The following SETBP1 variants were observed in gnomAD, a reference collection of about 807,000 sequenced individuals.
SETBP1 encodes the protein SET binding protein 1.
In SETBP1, 9 loss-of-function variants were observed where a neutral mutation model predicts 101.0. The ratio of observed to expected loss-of-function variants is 0.09; its 90% CI spans 0.05 to 0.16. SETBP1 has a LOEUF of 0.16. Ranked by LOEUF, SETBP1 falls within the 10% of genes least tolerant of loss-of-function variation. The pLI, the probability that SETBP1 is intolerant of heterozygous loss-of-function variation, is 1.00. For synonymous variants in SETBP1, 818 were observed against 788.5 expected (o/e 1.04, Z -0.63); for missense variants, 1,858 against 2,033.8 (o/e 0.91, Z 1.66).
intron 2 of SETBP1, among the ~76,000 whole-genome samples, chr18:44,728,372 A>G (rs2144380397): frequency 6.6e-6 from 1 of 152,256 alleles, no homozygotes; most frequent in East Asian, 1.9e-4. Flanking sequence ...ATTAAAAACT[A>G]CACAAGGCAT....
rs1226834126 is a variant in SETBP1 at position 45,064,623 on chromosome 18, G to C, written c.*925G>C. 2 of 151,878 alleles carry C rather than the reference G, an allele frequency of 1.3e-5. No homozygotes were observed. The highest frequency in any genetic ancestry group is 2.9e-5 in the Non-Finnish European group (2 of 67,966). The allele number at this position is 151,878 out of a possible 1,614,324, so 9.4% of individuals were successfully genotyped here. ...ATATGTTGACCCAGATGTCAACCAG[G>C]CTATTTTTATACTTAAAACATGTCA... On this transcript the variant is annotated 3_prime_UTR_variant, in exon 6 of 6. Transcript: ENST00000649279.
At chr18:44,961,363 T>A (rs899608672) in intron 4 of SETBP1, among the ~76,000 whole-genome samples, 2 of 152,212 alleles carry the variant, frequency 1.3e-5, no homozygotes, top group Admixed American at 1.3e-4. Context: ...TTAAACATTA[T>A]GTATTTGATG....
intron 3 of SETBP1, among the ~76,000 whole-genome samples, chr18:44,886,206 C>A (rs1416332449): frequency 6.6e-6 from 1 of 152,144 alleles, no homozygotes. Context: ...GTCTCAGTTT[C>A]TTCATGTAGC....
At position 44,949,923 on chromosome 18, in the gene SETBP1, A is replaced by C. The variant is rs750150119; in HGVS notation, c.583A>C (p.Thr195Pro). The part of the protein sequence containing the change: ...PQKHSTLHYD[T>P]GLPQDFTGDT... ...GAAACATTCAACTCTCCATTATGAC[A>C]CGGGCCTCCCACAGGACTTCACCGG... The change falls in exon 4 of 6, where the codon ACG becomes CCG. Residue 195 changes from threonine (T) to proline (P), a missense_variant. Coordinates refer to ENST00000649279, the MANE Select transcript of SETBP1 (RefSeq NM_015559.3). 72 of 1,613,936 alleles carry C rather than the reference A, an allele frequency of 4.5e-5. No individual in the cohort carries two copies. Among genetic ancestry groups the C allele is most frequent in the Non-Finnish European group, 5.6e-5 (66 of 1,180,018 alleles).
intron 1 of SETBP1, among the ~76,000 whole-genome samples, chr18:44,688,742 C>G (rs1265925160): frequency 6.6e-6 from 1 of 152,080 alleles, no homozygotes; most frequent in Non-Finnish European, 1.5e-5. Flanking sequence ...CATGAGCCAC[C>G]GCGCCTGGCC....
chr18:45,008,888 A>C (rs2072781828), intron 4 of SETBP1, among the ~76,000 whole-genome samples: 2 of 152,204 alleles, frequency 1.3e-5, no homozygotes, highest in Admixed American at 1.3e-4. Context: ...ATGAGTGTTT[A>C]GGACAGCTCT....
chr18:44,915,336 C>T (rs1158288175), intron 3 of SETBP1, among the ~76,000 whole-genome samples: 1 of 152,130 alleles, frequency 6.6e-6, no homozygotes, highest in Non-Finnish European at 1.5e-5. Flanking sequence ...TCTTTTCTTC[C>T]AGGCTAAAGG....
intron 3 of SETBP1, among the ~76,000 whole-genome samples, chr18:44,929,577 T>A (rs1480483193): frequency 6.6e-6 from 1 of 152,220 alleles, no homozygotes; most frequent in African/African-American, 2.4e-5. Flanking sequence ...GCATGGAATG[T>A]TCTTCCATCT....
intron 5 of SETBP1, among the ~76,000 whole-genome samples, chr18:45,039,413 G>T (rs4890506): frequency 0.78 from 119,001 of 152,012 alleles, 46,973 homozygotes; most frequent in Middle Eastern, 0.85. Flanking sequence ...ACACCTGAAC[G>T]TGGAGACAGC....
chr18:44,782,676 C>T (rs1159628634), intron 2 of SETBP1, among the ~76,000 whole-genome samples: 1 of 152,066 alleles, frequency 6.6e-6, no homozygotes, highest in Non-Finnish European at 1.5e-5. Flanking sequence ...CTCAGTCAAC[C>T]CACAGGGATT....
intron 4 of SETBP1, among the ~76,000 whole-genome samples, chr18:45,024,684 G>A (rs1263140761): frequency 1.3e-5 from 2 of 152,216 alleles, no homozygotes; most frequent in African/African-American, 4.8e-5. Context: ...CAATGCAGTG[G>A]TTGGAACCAA....
chr18:44,732,609 C>T (rs909469503), intron 2 of SETBP1: 5 of 152,220 alleles, frequency 3.3e-5, no homozygotes, highest in Non-Finnish European at 5.9e-5. Context: ...GCATATACTG[C>T]TGCCTTTCTG....
Position 45,038,424 on chromosome 18 carries a change from A to G in SETBP1, c.4001-61A>G, listed in dbSNP as rs188199193. On this transcript the variant is annotated intron_variant, in intron 4 of 5. Coordinates refer to ENST00000649279, the MANE Select transcript of SETBP1 (RefSeq NM_015559.3). ...TTTCCTCAGATCATGTCCAGGTTAC[A>G]TGTTGTCTATCTTCCTGTTCCCTTA... 58 of 1,453,952 alleles carry G rather than the reference A, an allele frequency of 4.0e-5. No individual in the cohort carries two copies. In the Admixed American group the frequency reaches 5.0e-4, roughly 13 times the overall value. The allele number at this position is 1,453,952 out of a possible 1,614,324, so 90.1% of individuals were successfully genotyped here. A position where few individuals can be genotyped will look rare whatever the true frequency, so the allele number is the denominator to read the frequency against.
In SETBP1 at chr18:44,892,988, A is replaced by T. The variant is rs139961501; in HGVS notation, c.540+23705A>T. ...GTATATTAAATGTTTCCTGACCAAT[A>T]TAGGGTGATTGTTAGCAGCCTCTAT... On this transcript the variant is annotated intron_variant, in intron 3 of 5. Transcript: ENST00000649279. Among the ~76,000 whole-genome samples the T allele has an allele frequency of 1.4e-3, 210 of 152,278 alleles. 4 individuals are homozygous for T. The East Asian group carries it at 0.014, about 10-fold the overall frequency.
At chr18:45,034,204 T>C (rs542948005) in intron 4 of SETBP1, among the ~76,000 whole-genome samples, 10 of 152,276 alleles carry the variant, frequency 6.6e-5, no homozygotes, top group African/African-American at 7.2e-5. Flanking sequence ...ATCGAAATAT[T>C]GAAGCTATTG....
chr18:44,960,989 GT>G (rs1470115831), intron 4 of SETBP1, among the ~76,000 whole-genome samples: 1 of 152,230 alleles, frequency 6.6e-6, no homozygotes, highest in Non-Finnish European at 1.5e-5. Flanking sequence ...CACTGAGAGG[GT>G]GGGAGTACAT....
chr18:44,790,769 C>A (rs901515298), intron 2 of SETBP1, among the ~76,000 whole-genome samples: 1 of 152,062 alleles, frequency 6.6e-6, no homozygotes, highest in Non-Finnish European at 1.5e-5. Flanking sequence ...AGTTGTGTGG[C>A]CCAAGTTGAG....
chr18:44,959,394 A>G (rs1360008598), intron 4 of SETBP1, among the ~76,000 whole-genome samples: 1 of 152,258 alleles, frequency 6.6e-6, no homozygotes, highest in African/African-American at 2.4e-5. Flanking sequence ...TTGAGCCAGT[A>G]TAGCACTTAA....
chr18:44,731,605 T>C (rs1433713606), intron 2 of SETBP1, among the ~76,000 whole-genome samples: 1 of 152,058 alleles, frequency 6.6e-6, no homozygotes, highest in Non-Finnish European at 1.5e-5. Context: ...ATTATTCTGA[T>C]TTTAGAAGGG....
Sources: gnomAD v4.1 joint callset for allele counts (sites outside exome capture counted in the v4.1 genomes callset) on GRCh38, gnomAD v4.1.1 for gene constraint, MANE v1.5 for transcripts, NCBI Gene and HGNC (gene_info 2026-07-23, HGNC 2026-07-21) for gene names.